Variants in CBY1 observed in about 807,000 individuals in gnomAD.
CBY1 encodes the protein protein chibby homolog 1.
A neutral mutation model predicts 15.6 loss-of-function variants in CBY1; 10 were observed. The ratio of observed to expected loss-of-function variants is 0.64; its 90% CI spans 0.40 to 1.09. The LOEUF is 1.09. Ranked by LOEUF, CBY1 falls within the 50% of genes least tolerant of loss-of-function variation. CBY1 has a pLI of 0.01. For missense variants in CBY1, 150 were observed against 160.5 expected (o/e 0.93, Z 0.35); for synonymous variants, 61 against 63.5 (o/e 0.96, Z 0.19).
At chr22:38,664,470 CA>C (rs35322853) in intron 1 of CBY1, among the ~76,000 whole-genome samples, 189 of 92,006 alleles carry the variant, frequency 2.1e-3, no homozygotes, top group Admixed American at 3.6e-3. Flanking sequence ...GACTCCATCT[CA>C]AAAAAAAAAA....
intron 1 of CBY1, among the ~76,000 whole-genome samples, chr22:38,664,795 G>T (rs1026758679): frequency 2.6e-5 from 4 of 152,078 alleles, no homozygotes; most frequent in Non-Finnish European, 5.9e-5. Context: ...AACCAGAAAA[G>T]TGTACATATG....
At chr22:38,656,910 G>A (rs1445338127) in intron 1 of CBY1, 160 bp downstream of exon 1, 1 of 153,014 alleles carries the variant, frequency 6.5e-6, no homozygotes, top group Non-Finnish European at 1.5e-5. Flanking sequence ...GCCCTCCTCT[G>A]TGTGTCTCCG....
intron 1 of CBY1, among the ~76,000 whole-genome samples, chr22:38,663,897 G>A (rs1438142960): frequency 6.6e-6 from 1 of 150,714 alleles, no homozygotes; most frequent in Non-Finnish European, 1.5e-5. Flanking sequence ...TGGCAGGTGT[G>A]TGTAATCCCA....
At chr22:38,665,735 G>T in intron 1 of CBY1, 1 of 1,228,840 alleles carries the variant, frequency 8.1e-7, no homozygotes, top group Non-Finnish European at 1.0e-6. Context: ...CTGGAGGGTG[G>T]TTTTAAAAAA....
intron 1 of CBY1, among the ~76,000 whole-genome samples, chr22:38,662,262 A>T (rs1260573762): frequency 6.6e-6 from 1 of 151,386 alleles, no homozygotes; most frequent in African/African-American, 2.4e-5. Flanking sequence ...AGATCACGCC[A>T]CTGCACTCTA....
Position 38,671,060 on chromosome 22 carries a change from C to T in CBY1, c.185-10C>T, listed in dbSNP as rs1389230856. On this transcript the variant is annotated splice_polypyrimidine_tract_variant and intron_variant, in intron 3 of 4. Coordinates refer to ENST00000216029, the MANE Select transcript of CBY1 (RefSeq NM_015373.4). The stretch of plus-strand genomic sequence containing the variant: ...AAATCCCCCTTTAACTGGTTCTGTC[C>T]TTCCTCCAGAGACAGGGGTTAGTGG... 1 of 1,613,588 alleles carries T rather than the reference C, an allele frequency of 6.2e-7. No individual in the cohort carries two copies. Among genetic ancestry groups the T allele is most frequent in the Admixed American group, 1.7e-5 (1 of 60,024 alleles).
chr22:38,670,283 C>T (rs2092448672), intron 2 of CBY1: 1 of 151,882 alleles, frequency 6.6e-6, no homozygotes, highest in African/African-American at 2.4e-5. Flanking sequence ...GTAGTCCCAG[C>T]TATTCAGAGG....
At position 38,668,141 on chromosome 22, in the gene CBY1, C is replaced by G. The variant is rs376944012; in HGVS notation, c.78+9C>G. The G allele has an allele frequency of 1.3e-6, 2 of 1,546,530 alleles. No homozygotes were observed. Among genetic ancestry groups the G allele is most frequent in the Admixed American group, 3.3e-5 (2 of 59,902 alleles). ...TCTCCAACCTGCATTCTGTGAGTGTCGGTACTGGGGTCGGCCGGGTGTGCA... is the reference window on the plus strand; with the variant it reads ...TCTCCAACCTGCATTCTGTGAGTGTGGGTACTGGGGTCGGCCGGGTGTGCA... On this transcript the variant is annotated intron_variant, in intron 2 of 4. Coordinates refer to ENST00000216029, the MANE Select transcript of CBY1 (RefSeq NM_015373.4).
intron 1 of CBY1, among the ~76,000 whole-genome samples, chr22:38,657,375 G>C (rs887002026): frequency 1.3e-5 from 2 of 152,200 alleles, no homozygotes; most frequent in African/African-American, 4.8e-5. Flanking sequence ...AGTCCAAGGG[G>C]GATAAATGCT....
At chr22:38,657,267 T>A in intron 1 of CBY1, 1 of 205,246 alleles carries the variant, frequency 4.9e-6, no homozygotes, top group Non-Finnish European at 8.6e-6. Flanking sequence ...AGGGTCGTTG[T>A]GAGGATCAAG....
chr22:38,667,054 A>G (rs564893604), intron 1 of CBY1, among the ~76,000 whole-genome samples: 240 of 151,438 alleles, frequency 1.6e-3, no homozygotes, highest in African/African-American at 5.6e-3. Context: ...TCTTTGACTC[A>G]GGCTGGAGTG....
chr22:38,667,483 T>G (rs2092440232), intron 1 of CBY1: 1 of 152,472 alleles, frequency 6.6e-6, no homozygotes, highest in Admixed American at 6.5e-5. Flanking sequence ...CCAAAAAATC[T>G]TAGCATACCG....
At chr22:38,668,305 A>G in intron 2 of CBY1, 173 bp downstream of exon 2, 1 of 555,694 alleles carries the variant, frequency 1.8e-6, no homozygotes, top group Non-Finnish European at 3.2e-6. Context: ...AATGATCGTC[A>G]GAGCTTGTTT....
chr22:38,663,582 G>C (rs2092427707), intron 1 of CBY1, among the ~76,000 whole-genome samples: 1 of 151,346 alleles, frequency 6.6e-6, no homozygotes, highest in African/African-American at 2.4e-5. Flanking sequence ...TGTAATCTCA[G>C]CTACTTGGGA....
At chr22:38,664,434 T>TGCACTCCA (rs2092430480) in intron 1 of CBY1, among the ~76,000 whole-genome samples, 1 of 141,262 alleles carries the variant, frequency 7.1e-6, no homozygotes, top group Non-Finnish European at 1.5e-5. Context: ...ATTGTGCCAC[T>TGCACTCCA]GCACTCCAGC....
intron 1 of CBY1, among the ~76,000 whole-genome samples, chr22:38,659,793 C>T (rs149911348): frequency 0.012 from 1,667 of 142,744 alleles, 35 homozygotes; most frequent in African/African-American, 0.041. Context: ...ACCTGGGAGG[C>T]GGAGCTTGCA....
chr22:38,672,216 C>T (rs533073722), intron 4 of CBY1, among the ~76,000 whole-genome samples: 13 of 150,484 alleles, frequency 8.6e-5, no homozygotes, highest in African/African-American at 2.2e-4. Context: ...GGGCTGAGAT[C>T]GCGCCACTGT....
At chr22:38,669,938 T>C (rs557912941) in intron 2 of CBY1, 1 of 150,398 alleles carries the variant, frequency 6.6e-6, no homozygotes, top group South Asian at 2.1e-4. Context: ...CTTTAAAAAA[T>C]ACAAAAATTA....
In CBY1 at chr22:38,673,451, G is replaced by C. The variant is rs566599730; in HGVS notation, c.*215G>C. On this transcript the variant is annotated 3_prime_UTR_variant, in exon 5 of 5. Coordinates refer to ENST00000216029, the MANE Select transcript of CBY1 (RefSeq NM_015373.4). ...GGTGCTTCAGATGCACTGCCTGCGG[G>C]TGCCAGTCTGAAAACCAGACCGCAC... The C allele has an allele frequency of 2.2e-6, 1 of 463,818 alleles. No homozygotes were observed. Among genetic ancestry groups the C allele is most frequent in the Non-Finnish European group, 4.0e-6 (1 of 249,150 alleles). 28.7% of individuals were successfully genotyped at this position (463,818 alleles called of 1,614,324 possible).
Sources: allele counts gnomAD v4.1 joint callset (sites outside exome capture counted in the v4.1 genomes callset), GRCh38; gene constraint gnomAD v4.1.1; transcripts MANE v1.5; gene names NCBI Gene and HGNC (gene_info 2026-07-23, HGNC 2026-07-21).